The following SCN2A variants were observed in gnomAD, a reference collection of about 807,000 sequenced individuals.
SCN2A encodes the protein sodium voltage-gated channel alpha subunit 2.
In SCN2A, 20 loss-of-function variants were observed where a neutral mutation model predicts 188.7. That is an observed-to-expected ratio of 0.11 (90% confidence interval 0.07 to 0.15). SCN2A has a LOEUF of 0.15. SCN2A is among the 10% of genes least tolerant of loss of function. SCN2A has a pLI of 1.00. For synonymous variants in SCN2A, 804 were observed against 833.1 expected (o/e 0.97, Z 0.60); for missense variants, 1,278 against 2,445.0 (o/e 0.52, Z 10.07).
chr2:165,251,984 A>C (rs868556446), intron 1 of SCN2A, among the ~76,000 whole-genome samples: 1 of 152,106 alleles, frequency 6.6e-6, no homozygotes, highest in Non-Finnish European at 1.5e-5. Flanking sequence ...AAATACCTTC[A>C]TGATCATATA....
At chr2:165,385,219 G>A (rs1259971157) in intron 25 of SCN2A, among the ~76,000 whole-genome samples, 2 of 152,144 alleles carry the variant, frequency 1.3e-5, no homozygotes, top group African/African-American at 2.4e-5. Flanking sequence ...AAAAGTGTCA[G>A]GATCTGGGAA....
intron 3 of SCN2A, among the ~76,000 whole-genome samples, chr2:165,300,024 A>G (rs3769933): frequency 0.21 from 31,368 of 152,108 alleles, 3,952 homozygotes; most frequent in East Asian, 0.36. Context: ...TATGCTTGTG[A>G]TATTTTTACC....
intron 17 of SCN2A, among the ~76,000 whole-genome samples, chr2:165,359,990 A>T (rs989153713): frequency 6.6e-6 from 1 of 151,914 alleles, no homozygotes; most frequent in African/African-American, 2.4e-5. Flanking sequence ...AATTATTTTG[A>T]TTTTACCATA....
At chr2:165,325,691 C>T (rs1245246274) in intron 12 of SCN2A, among the ~76,000 whole-genome samples, 2 of 151,982 alleles carry the variant, frequency 1.3e-5, no homozygotes, top group Admixed American at 1.3e-4. Flanking sequence ...TTCTAAGAGG[C>T]ACCCTTTGGA....
At chr2:165,250,876 GTTC>G (rs1172951458) in intron 1 of SCN2A, among the ~76,000 whole-genome samples, 1 of 152,010 alleles carries the variant, frequency 6.6e-6, no homozygotes, top group Admixed American at 6.6e-5. Flanking sequence ...TTGATCCCAT[GTTC>G]TTCATCATTT....
chr2:165,241,959 G>A (rs1295879894), intron 1 of SCN2A, among the ~76,000 whole-genome samples: 1 of 152,074 alleles, frequency 6.6e-6, no homozygotes. Flanking sequence ...AGAACTATAG[G>A]CATCGTATAG....
chr2:165,354,043 C>A lies in SCN2A; in HGVS notation c.2920-149C>A, dbSNP rs1029667006. 4 of 962,302 alleles carry A rather than the reference C, an allele frequency of 4.2e-6. No individual in the cohort carries two copies. The Admixed American group carries it at 7.6e-5, about 18-fold the overall frequency. 59.6% of individuals were successfully genotyped at this position (962,302 alleles called of 1,614,324 possible). On this transcript the variant is annotated intron_variant, in intron 16 of 26. Transcript: ENST00000375437. Reference sequence around the variant, plus strand: ...ATTGACCAAGCATTTTTATTTCATTCACTTTTTTTCAGAATAGTGTATCAT... The same window carrying A: ...ATTGACCAAGCATTTTTATTTCATTAACTTTTTTTCAGAATAGTGTATCAT...
intron 1 of SCN2A, among the ~76,000 whole-genome samples, chr2:165,287,447 C>T (rs150326494): frequency 2.6e-5 from 4 of 152,038 alleles, no homozygotes; most frequent in Admixed American, 6.5e-5. Context: ...TCTTAATGTG[C>T]ATGCTTGAGC....
chr2:165,270,855 T>C (rs1240803558), intron 1 of SCN2A: 1 of 152,102 alleles, frequency 6.6e-6, no homozygotes, highest in African/African-American at 2.4e-5. Context: ...CAAAAAGCAA[T>C]ATAGAATAAA....
intron 19 of SCN2A, 110 bp from the exon 20 acceptor site, chr2:165,370,016 C>A: frequency 1.1e-6 from 1 of 903,726 alleles, no homozygotes; most frequent in Non-Finnish European, 1.7e-6. Flanking sequence ...AACATTAAAC[C>A]TTCCAGCCTT....
At chr2:165,271,747 G>T (rs1024940177) in intron 1 of SCN2A, 8 of 151,918 alleles carry the variant, frequency 5.3e-5, no homozygotes, top group African/African-American at 1.5e-4. Context: ...GACAATCACT[G>T]TTCCAATTTC....
intron 17 of SCN2A, among the ~76,000 whole-genome samples, chr2:165,362,049 T>A (rs918210041): frequency 6.6e-6 from 1 of 151,890 alleles, no homozygotes; most frequent in African/African-American, 2.4e-5. Flanking sequence ...GATAAAAGAG[T>A]CCTCGCACTG....
At chr2:165,285,491 G>C (rs1695787930) in intron 1 of SCN2A, 1 of 166,132 alleles carries the variant, frequency 6.0e-6, no homozygotes, top group South Asian at 1.6e-4. Context: ...ATTTTTAAGA[G>C]GGTGGGTGAT....
At chr2:165,241,135 C>CGTATGT (rs1553554223) in intron 1 of SCN2A, 1 of 138,270 alleles carries the variant, frequency 7.2e-6, no homozygotes, top group African/African-American at 2.7e-5. Context: ...ATTCACTGTG[C>CGTATGT]GTGTGTGTGT....
rs1224030874 is a variant in SCN2A, at chr2:165,292,203, C to T, written c.-51-3570C>T. On this transcript the variant is annotated intron_variant, in intron 1 of 26. Transcript: ENST00000375437. The stretch of plus-strand genomic sequence containing the variant: ...AACTCCTGTCTTTATTTATTTTTTA[C>T]TTCAATTAGTTTGAGACATCTTTTT... Among the ~76,000 whole-genome samples, 7 of 152,178 alleles carry T rather than the reference C, an allele frequency of 4.6e-5. 1 individual carries two copies. The East Asian group carries it at 1.3e-3, about 29-fold the overall frequency.
intron 1 of SCN2A, among the ~76,000 whole-genome samples, chr2:165,246,880 G>C (rs1693870455): frequency 2.0e-5 from 3 of 152,048 alleles, no homozygotes; most frequent in Non-Finnish European, 4.4e-5. Context: ...CTTGTACTTA[G>C]ATTTCATACC....
At chr2:165,247,358 C>G (rs1487402159) in intron 1 of SCN2A, among the ~76,000 whole-genome samples, 1 of 151,460 alleles carries the variant, frequency 6.6e-6, no homozygotes, top group Non-Finnish European at 1.5e-5. Context: ...CTATGACTCT[C>G]TTTCTATTCT....
intron 3 of SCN2A, among the ~76,000 whole-genome samples, chr2:165,299,152 C>T (rs1030568207): frequency 3.3e-5 from 5 of 151,610 alleles, no homozygotes; most frequent in African/African-American, 9.7e-5. Context: ...TTTAAAACTC[C>T]CTGGAAAAGA....
chr2:165,271,917 T>C (rs1018195011), intron 1 of SCN2A: 1 of 152,062 alleles, frequency 6.6e-6, no homozygotes, highest in African/African-American at 2.4e-5. Context: ...TGTTGTTGAG[T>C]AGCACTCTCC....
Sources: allele counts gnomAD v4.1 joint callset (sites outside exome capture counted in the v4.1 genomes callset), GRCh38; gene constraint gnomAD v4.1.1; transcripts MANE v1.5; gene names NCBI Gene and HGNC (gene_info 2026-07-23, HGNC 2026-07-21).